DMD: variants seen among roughly 807,000 people sequenced by gnomAD.
The protein encoded by DMD is mutant dystrophin.
DMD carries 63 observed loss-of-function variants against 330.1 expected under a neutral mutation model. That is an observed-to-expected ratio of 0.19 (90% CI 0.16 to 0.24). DMD has a LOEUF of 0.24. Among genes scored for constraint, DMD ranks in the 10% least tolerant of loss-of-function variants. The pLI is 1.00. For missense variants in DMD, 3,344 were observed against 2,684.1 expected (o/e 1.25, Z -5.43); for synonymous variants, 1,223 against 959.8 (o/e 1.27, Z -5.07).
intron 43 of DMD, among the ~76,000 whole-genome samples, chrX:32,244,745 T>C (rs986824338): frequency 4.4e-5 from 4 of 90,017 alleles, no homozygotes; most frequent in African/African-American, 1.6e-4. Flanking sequence ...GTTTTTTGGC[T>C]GCATAAATGT....
At chrX:32,883,833 A>C (rs2084233624) in intron 2 of DMD, among the ~76,000 whole-genome samples, 1 of 89,154 alleles carries the variant, frequency 1.1e-5, no homozygotes, top group African/African-American at 4.0e-5. Context: ...CAAAAAAAAA[A>C]AAAAAAAAAA....
chrX:31,483,056 T>G (rs999102321), intron 57 of DMD, among the ~76,000 whole-genome samples: 1 of 92,363 alleles, frequency 1.1e-5, no homozygotes, highest in Non-Finnish European at 2.1e-5. Flanking sequence ...TTTTTTTTTT[T>G]TTTTTTTTGA....
intron 62 of DMD, among the ~76,000 whole-genome samples, chrX:31,281,737 C>T (rs1048784705): frequency 9.0e-5 from 10 of 111,445 alleles, no homozygotes; most frequent in African/African-American, 3.3e-4. Flanking sequence ...GGCAGCACTT[C>T]TAACAAATTA....
chrX:31,783,180 T>C (rs1013328610), intron 50 of DMD, among the ~76,000 whole-genome samples: 1 of 111,851 alleles, frequency 8.9e-6, no homozygotes, highest in African/African-American at 3.2e-5. Flanking sequence ...ACTGCTATTC[T>C]ACCAAAATTC....
At chrX:31,474,163 C>T (rs908240331) in intron 59 of DMD, among the ~76,000 whole-genome samples, 8 of 111,747 alleles carry the variant, frequency 7.2e-5, no homozygotes, top group African/African-American at 2.6e-4. Context: ...TGTTCACCAC[C>T]CGCAGATGAT....
At chrX:32,754,054 T>C (rs772483934) in intron 7 of DMD, among the ~76,000 whole-genome samples, 1 of 111,497 alleles carries the variant, frequency 9.0e-6, no homozygotes, top group South Asian at 3.8e-4. Context: ...TTTGCTGATG[T>C]TATGTAAGGT....
chrX:31,861,725 G>C (rs773006614), intron 48 of DMD, among the ~76,000 whole-genome samples: 19 of 79,406 alleles, frequency 2.4e-4, no homozygotes, highest in African/African-American at 8.7e-4. Context: ...AAGGGAGGGA[G>C]AAGAGTGCTA....
At chrX:31,973,381 T>C (rs973028992) in intron 44 of DMD, among the ~76,000 whole-genome samples, 1 of 111,078 alleles carries the variant, frequency 9.0e-6, no homozygotes, top group Non-Finnish European at 1.9e-5. Flanking sequence ...AAATGGCCTT[T>C]TTTTGAGTAA....
rs189533291 is a variant in DMD at position 32,857,001 on chromosome X, G to C, written c.94-7181C>G. Among the ~76,000 whole-genome samples the C allele has an allele frequency of 3.2e-3, 353 of 109,717 alleles. 2 individuals are homozygous for C. Among genetic ancestry groups the C allele is most frequent in the Non-Finnish European group, 5.4e-3 (287 of 52,661 alleles). ...GAGGCAGGAGAACGGCGTGAACCCG[G>C]GAGGCGGAGCTTGCAATGAGCCCAG... On this transcript the variant is annotated intron_variant, in intron 2 of 78. Coordinates refer to ENST00000357033, the MANE Select transcript of DMD (RefSeq NM_004006.3).
intron 1 of DMD, among the ~76,000 whole-genome samples, chrX:33,188,019 GAA>G (rs1380289647): frequency 1.2e-4 from 13 of 111,273 alleles, no homozygotes; most frequent in African/African-American, 3.6e-4. Context: ...GGTATGATAT[GAA>G]AATCACTGGC....
rs910554103 is a variant in DMD, at chrX:31,120,915, T to TAATAA, written c.*999_*1003dup. ...AACCAACCGATTACTCACTCTGATA[T>TAATAA]AATAAGTCCTGTGTATTCATTCACA... On this transcript the variant is annotated 3_prime_UTR_variant, in exon 79 of 79. Coordinates refer to ENST00000357033, the MANE Select transcript of DMD (RefSeq NM_004006.3). The TAATAA allele has an allele frequency of 5.4e-5, 6 of 111,320 alleles. No homozygotes were observed. The highest frequency in any genetic ancestry group is 7.5e-5 in the Non-Finnish European group (4 of 53,111). 9.2% of individuals were successfully genotyped at this position (111,320 alleles called of 1,213,427 possible). A position where few individuals can be genotyped will look rare whatever the true frequency, so the allele number is the denominator to read the frequency against.
chrX:32,129,619 A>C (rs556692793), intron 44 of DMD, among the ~76,000 whole-genome samples: 1 of 109,862 alleles, frequency 9.1e-6, no homozygotes, highest in East Asian at 2.8e-4. Flanking sequence ...AAAAACTGCT[A>C]TAAGGGACTT....
chrX:33,184,085 T>G (rs1164605844), intron 1 of DMD, among the ~76,000 whole-genome samples: 1 of 111,767 alleles, frequency 8.9e-6, no homozygotes, highest in African/African-American at 3.2e-5. Flanking sequence ...TATTTTACCT[T>G]TGTTGAATGC....
chrX:31,311,771 C>T (rs1440657631), intron 62 of DMD, among the ~76,000 whole-genome samples: 1 of 111,200 alleles, frequency 9.0e-6, no homozygotes, highest in Non-Finnish European at 1.9e-5. Context: ...TTGATTCTTC[C>T]TATCCATGAA....
intron 48 of DMD, among the ~76,000 whole-genome samples, chrX:31,861,946 T>TACATAC (rs2093712243): frequency 1.1e-5 from 1 of 87,966 alleles, no homozygotes; most frequent in African/African-American, 4.4e-5. Flanking sequence ...GAAAATAATA[T>TACATAC]ACACACACAC....
chrX:32,646,348 C>G (rs1417513945), intron 9 of DMD, among the ~76,000 whole-genome samples: 2 of 111,286 alleles, frequency 1.8e-5, no homozygotes, highest in Admixed American at 1.9e-4. Context: ...TTCAAAAATC[C>G]TGAGAACATG....
chrX:33,146,351 C>T (rs901958621), intron 1 of DMD, among the ~76,000 whole-genome samples: 1 of 111,459 alleles, frequency 9.0e-6, no homozygotes, highest in African/African-American at 3.3e-5. Flanking sequence ...ATGTAAATCT[C>T]ATAATTTAAA....
At chrX:31,771,653 C>A (rs971078655) in intron 51 of DMD, among the ~76,000 whole-genome samples, 2 of 110,327 alleles carry the variant, frequency 1.8e-5, no homozygotes, top group Admixed American at 1.9e-4. Context: ...AGGCATGGGC[C>A]ACCACACCAG....
At chrX:33,201,827 A>G (rs2051290908) in intron 1 of DMD, among the ~76,000 whole-genome samples, 1 of 112,525 alleles carries the variant, frequency 8.9e-6, no homozygotes, top group African/African-American at 3.2e-5. Context: ...AGTTGCCTGT[A>G]CATAACTGAA....
Sources: allele counts gnomAD v4.1 joint callset (sites outside exome capture counted in the v4.1 genomes callset), GRCh38; gene constraint gnomAD v4.1.1; transcripts MANE v1.5; gene names NCBI Gene and HGNC (gene_info 2026-07-23, HGNC 2026-07-21).